The following PTK2B variants were observed in gnomAD, a reference collection of about 807,000 sequenced individuals.
PTK2B encodes the protein protein-tyrosine kinase 2-beta.
A neutral mutation model predicts 142.9 loss-of-function variants in PTK2B; 71 were observed. The ratio of observed to expected loss-of-function variants is 0.50; its 90% CI spans 0.41 to 0.61. PTK2B has a LOEUF of 0.61. PTK2B is among the 20% of genes least tolerant of loss of function. PTK2B has a pLI of 0.00. For missense variants in PTK2B, 1,105 were observed against 1,320.4 expected (o/e 0.84, Z 2.53); for synonymous variants, 519 against 503.4 (o/e 1.03, Z -0.42).
At chr8:27,355,623 G>A (rs374432611) in intron 1 of PTK2B, among the ~76,000 whole-genome samples, 29 of 152,288 alleles carry the variant, frequency 1.9e-4, no homozygotes, top group African/African-American at 7.0e-4. Flanking sequence ...GAGCAACTTG[G>A]CAGCATGTAC....
intron 1 of PTK2B, among the ~76,000 whole-genome samples, chr8:27,332,779 G>A (rs377414084): frequency 3.3e-5 from 5 of 152,128 alleles, no homozygotes; most frequent in African/African-American, 1.2e-4. Context: ...ACGATGTCTT[G>A]CTATGTTGGC....
intron 1 of PTK2B, among the ~76,000 whole-genome samples, chr8:27,369,617 C>T (rs1806222606): frequency 6.6e-6 from 1 of 152,104 alleles, no homozygotes; most frequent in South Asian, 2.1e-4. Context: ...CTGCAGTGAG[C>T]CGAGATCGTG....
At chr8:27,419,832 T>G in intron 2 of PTK2B, 63 bp from the exon 3 acceptor site, 16 of 1,564,086 alleles carry the variant, frequency 1.0e-5, no homozygotes, top group Non-Finnish European at 1.4e-5. Context: ...CAGGTCTGTG[T>G]GAGAATTATG....
intron 1 of PTK2B, among the ~76,000 whole-genome samples, chr8:27,375,249 G>T (rs2130994794): frequency 6.6e-6 from 1 of 152,344 alleles, no homozygotes; most frequent in South Asian, 2.1e-4. Flanking sequence ...TGCCAGACCA[G>T]TGAGGCCCTC....
intron 27 of PTK2B, chr8:27,452,640 T>A (rs1811889158): frequency 6.3e-6 from 1 of 159,506 alleles, no homozygotes; most frequent in Non-Finnish European, 1.4e-5. Context: ...GTGAATAGCA[T>A]GTTTCTGCTG....
At chr8:27,384,608 G>A (rs1286374278) in intron 1 of PTK2B, among the ~76,000 whole-genome samples, 1 of 152,322 alleles carries the variant, frequency 6.6e-6, no homozygotes, top group East Asian at 1.9e-4. Context: ...GTGTGGAGAT[G>A]AATATGCTAA....
At chr8:27,451,740 C>T in intron 27 of PTK2B, 1 of 1,391,450 alleles carries the variant, frequency 7.2e-7, no homozygotes, top group Non-Finnish European at 9.3e-7. Flanking sequence ...TGGCCACATC[C>T]TTAGGCCCCT....
chr8:27,349,182 C>CA (rs942183650), intron 1 of PTK2B, among the ~76,000 whole-genome samples: 5 of 152,174 alleles, frequency 3.3e-5, no homozygotes, highest in African/African-American at 1.2e-4. Context: ...ACTGAGAAAA[C>CA]AACAGAGAAG....
At chr8:27,356,824 T>G (rs1217855186) in intron 1 of PTK2B, among the ~76,000 whole-genome samples, 4 of 152,256 alleles carry the variant, frequency 2.6e-5, no homozygotes, top group Non-Finnish European at 5.9e-5. Context: ...AGTCACATAC[T>G]GTATGATTCC....
chr8:27,402,503 A>G (rs1311931614), intron 2 of PTK2B, among the ~76,000 whole-genome samples: 1 of 152,194 alleles, frequency 6.6e-6, no homozygotes, highest in Non-Finnish European at 1.5e-5. Flanking sequence ...TGGTTGAAGC[A>G]TGGCTGTGAA....
At chr8:27,454,504 G>C in intron 29 of PTK2B, 27 bp from the exon 30 acceptor site, 13 of 1,609,054 alleles carry the variant, frequency 8.1e-6, no homozygotes, top group Non-Finnish European at 1.1e-5. Flanking sequence ...TAGGAGTGGC[G>C]GCCATCCTGC....
chr8:27,392,356 T>C (rs746079668), intron 1 of PTK2B, among the ~76,000 whole-genome samples: 1 of 149,550 alleles, frequency 6.7e-6, no homozygotes, highest in Non-Finnish European at 1.5e-5. Context: ...AGGAGCAAGA[T>C]ACAGGGAATA....
At chr8:27,350,661 A>G (rs1218458412) in intron 1 of PTK2B, among the ~76,000 whole-genome samples, 2 of 152,148 alleles carry the variant, frequency 1.3e-5, no homozygotes, top group East Asian at 3.9e-4. Context: ...TGTTAACCCC[A>G]GTTGTAACTA....
At chr8:27,453,403 G>A (rs1811943973) in intron 28 of PTK2B, among the ~76,000 whole-genome samples, 1 of 152,204 alleles carries the variant, frequency 6.6e-6, no homozygotes, top group African/African-American at 2.4e-5. Flanking sequence ...CAGACTTGGA[G>A]TAGAGCTCCC....
chr8:27,418,894 G>A (rs1211748368), intron 2 of PTK2B, among the ~76,000 whole-genome samples: 2 of 152,182 alleles, frequency 1.3e-5, no homozygotes, highest in Non-Finnish European at 2.9e-5. Context: ...CAGGCGTGGT[G>A]GTGCCTACCT....
intron 1 of PTK2B, among the ~76,000 whole-genome samples, chr8:27,370,926 G>T (rs1806315859): frequency 2.0e-5 from 3 of 151,576 alleles, no homozygotes; most frequent in African/African-American, 7.3e-5. Flanking sequence ...TTTTTTTTGA[G>T]GCAGAGTTGC....
At chr8:27,456,117 A>T (rs1277684620) in intron 30 of PTK2B, among the ~76,000 whole-genome samples, 1 of 152,226 alleles carries the variant, frequency 6.6e-6, no homozygotes, top group Non-Finnish European at 1.5e-5. Context: ...CCATTCATTC[A>T]TTCATTCATT....
At chr8:27,333,702 C>T (rs1439713473) in intron 1 of PTK2B, among the ~76,000 whole-genome samples, 2 of 152,120 alleles carry the variant, frequency 1.3e-5, no homozygotes, top group Non-Finnish European at 2.9e-5. Context: ...TGGGCCTCCC[C>T]TCTGCTAGGA....
intron 1 of PTK2B, among the ~76,000 whole-genome samples, chr8:27,354,174 A>G (rs1274517736): frequency 6.6e-6 from 1 of 152,214 alleles, no homozygotes; most frequent in Non-Finnish European, 1.5e-5. Flanking sequence ...TCCCAGCCAT[A>G]GCCCTATCAC....
Sources: allele counts gnomAD v4.1 joint callset (sites outside exome capture counted in the v4.1 genomes callset), GRCh38; gene constraint gnomAD v4.1.1; transcripts MANE v1.5; gene names NCBI Gene and HGNC (gene_info 2026-07-23, HGNC 2026-07-21).